WDFY4: variants seen among roughly 807,000 people sequenced by gnomAD.
WDFY4 encodes the protein WDFY family member 4.
A neutral mutation model predicts 351.9 loss-of-function variants in WDFY4; 169 were observed. That is an observed-to-expected ratio of 0.48 (90% confidence interval 0.42 to 0.55). The LOEUF is 0.55. Ranked by LOEUF, WDFY4 falls within the 20% of genes least tolerant of loss-of-function variation. The pLI is 0.00. For synonymous variants in WDFY4, 1,622 were observed against 1,574.6 expected, an observed-to-expected ratio of 1.03 and a Z score of -0.71; for missense variants, 3,803 against 3,935.6, an observed-to-expected ratio of 0.97 and a Z score of 0.90.
At chr10:48,775,627 A>G in intron 14 of WDFY4, 85 bp from the exon 15 acceptor site, 3 of 1,329,222 alleles carry the variant, frequency 2.3e-6, no homozygotes, top group East Asian at 2.5e-5. Flanking sequence ...AGCTCCAGGC[A>G]TCTAGGACAG....
chr10:48,722,441 G>T (rs2064122450), intron 4 of WDFY4, among the ~76,000 whole-genome samples: 1 of 152,220 alleles, frequency 6.6e-6, no homozygotes, highest in Non-Finnish European at 1.5e-5. Context: ...TTAACAAGGA[G>T]TCAAATACAT....
chr10:48,911,196 G>A (rs1450365111), intron 47 of WDFY4, among the ~76,000 whole-genome samples: 2 of 152,122 alleles, frequency 1.3e-5, no homozygotes, highest in Non-Finnish European at 2.9e-5. Context: ...TCTCAGACAC[G>A]GTCACTCCCC....
intron 51 of WDFY4, among the ~76,000 whole-genome samples, chr10:48,955,564 C>T (rs1284329841): frequency 6.6e-6 from 1 of 152,208 alleles, no homozygotes; most frequent in Non-Finnish European, 1.5e-5. Context: ...TGTGGAGTTG[C>T]ATCCATGGGT....
chr10:48,695,641 C>A (rs971570255), intron 1 of WDFY4, among the ~76,000 whole-genome samples: 2 of 152,136 alleles, frequency 1.3e-5, no homozygotes, highest in Non-Finnish European at 2.9e-5. Context: ...CCTAAGGGAA[C>A]ACTTTCTTAC....
chr10:48,851,775 C>A (rs2068965790), intron 39 of WDFY4, among the ~76,000 whole-genome samples: 1 of 152,230 alleles, frequency 6.6e-6, no homozygotes, highest in Non-Finnish European at 1.5e-5. Context: ...CTAGGGTGCC[C>A]CAGGCAAAGG....
chr10:48,974,796 G>A lies in WDFY4; in HGVS notation c.8929-66G>A, dbSNP rs113553145. The A allele has an allele frequency of 1.1e-4, 155 of 1,439,598 alleles. No homozygotes were observed. The African/African-American group carries it at 2.0e-3, about 19-fold the overall frequency. The allele number at this position is 1,439,598 out of a possible 1,614,324, so 89.2% of individuals were successfully genotyped here. A position where few individuals can be genotyped will look rare whatever the true frequency, so the allele number is the denominator to read the frequency against. On this transcript the variant is annotated intron_variant, in intron 57 of 61. Coordinates refer to ENST00000325239, the MANE Select transcript of WDFY4 (RefSeq NM_001394531.1). Reference sequence around the variant, plus strand: ...TCCAGCACCCAGCTTTATAGGGAGGGTGAAGAATTCCCAAAAGTAGCTGAA... The same window carrying A: ...TCCAGCACCCAGCTTTATAGGGAGGATGAAGAATTCCCAAAAGTAGCTGAA...
chr10:48,946,209 T>A, intron 50 of WDFY4, 52 bp downstream of exon 50: 1 of 1,359,368 alleles, frequency 7.4e-7, no homozygotes, highest in Non-Finnish European at 1.0e-6. Context: ...CGGGATGCCC[T>A]AAAATGATAG....
intron 57 of WDFY4, among the ~76,000 whole-genome samples, chr10:48,970,697 G>A (rs550958506): frequency 3.9e-5 from 6 of 152,250 alleles, no homozygotes; most frequent in South Asian, 4.1e-4. Flanking sequence ...ATTTTTACAC[G>A]GATTGCCTCA....
At chr10:48,741,678 C>T (rs2064855733) in intron 11 of WDFY4, among the ~76,000 whole-genome samples, 1 of 152,098 alleles carries the variant, frequency 6.6e-6, no homozygotes, top group African/African-American at 2.4e-5. Flanking sequence ...ACAGCATCAC[C>T]CCTCCCCCAG....
chr10:48,708,914 C>T (rs189710073), intron 1 of WDFY4, among the ~76,000 whole-genome samples: 6 of 152,216 alleles, frequency 3.9e-5, no homozygotes, highest in Non-Finnish European at 7.4e-5. Flanking sequence ...TTATGTGCCT[C>T]TACAAATACC....
At chr10:48,688,588 G>C (rs2063115225) in intron 1 of WDFY4, among the ~76,000 whole-genome samples, 1 of 152,098 alleles carries the variant, frequency 6.6e-6, no homozygotes, top group African/African-American at 2.4e-5. Context: ...TTTTTGGACT[G>C]TTGCTATTTG....
In WDFY4 at chr10:48,822,510, C is replaced by T; in HGVS notation, c.5955C>T (p.Leu1985=). 1.3e-6 allele frequency: 2 copies of T among 1,547,580 alleles called. No homozygotes were observed. Among genetic ancestry groups the T allele is most frequent in the Non-Finnish European group, 1.7e-6 (2 of 1,144,530 alleles). Residue 1985 remains leucine, a synonymous_variant, in exon 35 of 62, where the codon CTC becomes CTT. Transcript: ENST00000325239. ...TCTCGGCAGACCCCAGGCATATCCT[C>T]CTCTTCATCCTGGAGCACATCATGG... ...GMFSADPRHI[L]LFILEHIMVV...
At chr10:48,697,346 C>T (rs78575214) in intron 1 of WDFY4, among the ~76,000 whole-genome samples, 5,393 of 152,320 alleles carry the variant, frequency 0.035, 324 homozygotes, top group African/African-American at 0.12. Context: ...GGGGTCTTAG[C>T]CTCCCGTGTC....
chr10:48,931,063 G>T (rs1048644410), intron 47 of WDFY4, among the ~76,000 whole-genome samples: 1 of 149,202 alleles, frequency 6.7e-6, no homozygotes, highest in African/African-American at 2.5e-5. Flanking sequence ...GAAAAAAAAG[G>T]TACAAACACA....
chr10:48,802,215 A>T (rs939336866), intron 24 of WDFY4, among the ~76,000 whole-genome samples: 2 of 152,266 alleles, frequency 1.3e-5, no homozygotes, highest in Middle Eastern at 6.8e-3. Context: ...CTCTACAAAA[A>T]AATTTTAACA....
At chr10:48,941,558 G>A (rs1462755254) in intron 47 of WDFY4, among the ~76,000 whole-genome samples, 4 of 152,208 alleles carry the variant, frequency 2.6e-5, no homozygotes, top group Admixed American at 2.0e-4. Context: ...TGAGGCAGCA[G>A]CTTGTTCTGG....
At chr10:48,978,595 A>G (rs1448022657) in intron 60 of WDFY4, 10 of 528,124 alleles carry the variant, frequency 1.9e-5, no homozygotes, top group East Asian at 1.3e-4. Context: ...CATCACAGCC[A>G]CAACGGCCTC....
intron 19 of WDFY4, among the ~76,000 whole-genome samples, chr10:48,781,517 A>C (rs2066224884): frequency 6.6e-6 from 1 of 152,014 alleles, no homozygotes; most frequent in African/African-American, 2.4e-5. Flanking sequence ...GCTGGTCTGA[A>C]ACTCCTGACC....
intron 26 of WDFY4, 52 bp from the exon 27 acceptor site, chr10:48,805,952 G>C (rs923134954): frequency 6.7e-7 from 1 of 1,491,878 alleles, no homozygotes; most frequent in Non-Finnish European, 9.2e-7. Context: ...TGTACTCAGC[G>C]GACTCAGTTG....
Sources: gnomAD v4.1 joint callset for allele counts (sites outside exome capture counted in the v4.1 genomes callset) on GRCh38, gnomAD v4.1.1 for gene constraint, MANE v1.5 for transcripts, NCBI Gene and HGNC (gene_info 2026-07-23, HGNC 2026-07-21) for gene names.